CRCP: variants seen among roughly 807,000 people sequenced by gnomAD.
CRCP encodes the protein DNA-directed RNA polymerase III subunit RPC9.
In CRCP, 18 loss-of-function variants were observed where a neutral mutation model predicts 18.5. That is an observed-to-expected ratio of 0.97 (90% CI 0.67 to 1.44). The LOEUF is 1.44. Among genes scored for constraint, CRCP ranks in the 40% most tolerant of loss-of-function variants. CRCP has a pLI of 0.00. For missense variants in CRCP, 130 were observed against 176.4 expected (o/e 0.74, Z 1.49); for synonymous variants, 53 against 62.9 (o/e 0.84, Z 0.75).
At chr7:66,126,709 T>C (rs921027702) in intron 1 of CRCP, 1 of 402,836 alleles carries the variant, frequency 2.5e-6, no homozygotes, top group African/African-American at 2.0e-5. Context: ...ATCATAACAG[T>C]TTGATGAGGT....
intron 1 of CRCP, among the ~76,000 whole-genome samples, chr7:66,117,735 T>C (rs1288601420): frequency 6.6e-6 from 1 of 152,140 alleles, no homozygotes; most frequent in Non-Finnish European, 1.5e-5. Context: ...TTCATTGACT[T>C]TCCATTGTAC....
intron 4 of CRCP, among the ~76,000 whole-genome samples, chr7:66,138,266 C>A (rs1342480636): frequency 1.3e-5 from 2 of 152,210 alleles, no homozygotes; most frequent in Non-Finnish European, 2.9e-5. Context: ...AGGCTGGATG[C>A]AGTGGCTCAT....
chr7:66,114,849 C>T lies in CRCP; in HGVS notation c.-114C>T, dbSNP rs1349595978. The T allele has an allele frequency of 6.3e-7, 1 of 1,599,410 alleles. No individual in the cohort carries two copies. The highest frequency in any genetic ancestry group is 2.3e-5 in the East Asian group (1 of 44,440). ...CCGGCATGCAGCGCGGCGATCCCGG[C>T]GAGCACCTTGGCGCGCGGAGCTGGC... On this transcript the variant is annotated 5_prime_UTR_variant, in exon 1 of 6. Transcript: ENST00000395326.
rs538195508 is a variant in CRCP, at chr7:66,142,715, T to G, written c.240-2728T>G. Among the ~76,000 whole-genome samples the G allele has an allele frequency of 2.0e-5, 3 of 152,296 alleles. No homozygotes were observed. The East Asian group carries it at 5.8e-4, about 29-fold the overall frequency. On this transcript the variant is annotated intron_variant, in intron 4 of 5. Coordinates refer to ENST00000395326, the MANE Select transcript of CRCP (RefSeq NM_014478.5). ...TCTCACTTTGTTGCCCAGGCTGTTT[T>G]TGAACTCCCAGCCTCAAGTGATCCT...
intron 1 of CRCP, among the ~76,000 whole-genome samples, chr7:66,122,269 G>A (rs1787465787): frequency 6.6e-6 from 1 of 151,878 alleles, no homozygotes; most frequent in Non-Finnish European, 1.5e-5. Flanking sequence ...CAGCTACTTG[G>A]GAGGCTGAGG....
At chr7:66,122,084 G>A (rs1787458389) in intron 1 of CRCP, among the ~76,000 whole-genome samples, 1 of 152,088 alleles carries the variant, frequency 6.6e-6, no homozygotes, top group Non-Finnish European at 1.5e-5. Context: ...GCAATTAATA[G>A]GCACTGTTTG....
rs150051989 is a variant in CRCP, at chr7:66,149,429, G to C, written c.298-2779G>C. Among the ~76,000 whole-genome samples, 17 of 152,278 alleles carry C rather than the reference G, an allele frequency of 1.1e-4. No homozygotes were observed. The East Asian group carries it at 2.7e-3, about 24-fold the overall frequency. ...AGCTACTTGGAAGGCTGAGGCAGGA[G>C]GATTGCTTGAGCCCAGGAGTTTGAG... On this transcript the variant is annotated intron_variant, in intron 5 of 5. Coordinates refer to ENST00000395326, the MANE Select transcript of CRCP (RefSeq NM_014478.5).
chr7:66,151,896 A>AT (rs78469253), intron 5 of CRCP, among the ~76,000 whole-genome samples: 5,503 of 149,996 alleles, frequency 0.037, 159 homozygotes, highest in East Asian at 0.084. Context: ...TGCTTGGTTG[A>AT]TTTTTTTTGT....
intron 1 of CRCP, among the ~76,000 whole-genome samples, chr7:66,124,508 C>CTCCCTTCCTTCCTTCCTCCCTCCT (rs1468413864): frequency 2.7e-5 from 4 of 149,374 alleles, no homozygotes; most frequent in Non-Finnish European, 4.4e-5. Context: ...CCCTCCCTCC[C>CTCCCTTCCTTCCTTCCTCCCTCCT]TCCCTTCCTT....
At chr7:66,121,605 A>T (rs768746400) in intron 1 of CRCP, among the ~76,000 whole-genome samples, 24 of 152,120 alleles carry the variant, frequency 1.6e-4, no homozygotes, top group Non-Finnish European at 2.5e-4. Context: ...GACTACAGGC[A>T]TGCGCCACCA....
At chr7:66,140,892 G>A (rs1340626163) in intron 4 of CRCP, among the ~76,000 whole-genome samples, 1 of 152,130 alleles carries the variant, frequency 6.6e-6, no homozygotes, top group Non-Finnish European at 1.5e-5. Context: ...CAAATACATA[G>A]GCATTGTCTT....
At chr7:66,146,857 A>G (rs1446249629) in intron 5 of CRCP, among the ~76,000 whole-genome samples, 1 of 152,230 alleles carries the variant, frequency 6.6e-6, no homozygotes, top group Non-Finnish European at 1.5e-5. Context: ...AACAAACAGA[A>G]CAGCAAGAAA....
chr7:66,154,017 G>C lies in CRCP; in HGVS notation c.*1660G>C, dbSNP rs919665888. The stretch of plus-strand genomic sequence containing the variant: ...CAGAGGTTGCAGTGAGCCAGATCGT[G>C]CATTGCACTCCAGCCTGGCCGACAG... On this transcript the variant is annotated 3_prime_UTR_variant, in exon 6 of 6. Transcript: ENST00000395326. 6.6e-6 allele frequency: 1 copy of C among 151,860 alleles called. No individual in the cohort carries two copies. The highest frequency in any genetic ancestry group is 1.5e-5 in the Non-Finnish European group (1 of 67,994). 9.4% of individuals were successfully genotyped at this position (151,860 alleles called of 1,614,324 possible). A position where few individuals can be genotyped will look rare whatever the true frequency, so the allele number is the denominator to read the frequency against.
chr7:66,121,209 C>T (rs779105515), intron 1 of CRCP, among the ~76,000 whole-genome samples: 5 of 151,496 alleles, frequency 3.3e-5, no homozygotes, highest in Non-Finnish European at 5.9e-5. Flanking sequence ...TGGGTAGCTG[C>T]CTGGCTAATT....
intron 3 of CRCP, among the ~76,000 whole-genome samples, chr7:66,133,451 T>C (rs969947236): frequency 6.8e-6 from 1 of 147,846 alleles, no homozygotes; most frequent in African/African-American, 2.5e-5. Context: ...GAGCTTGCAG[T>C]GAGCCGAGAT....
chr7:66,118,630 T>C (rs1787343480), intron 1 of CRCP, among the ~76,000 whole-genome samples: 1 of 152,240 alleles, frequency 6.6e-6, no homozygotes, highest in African/African-American at 2.4e-5. Context: ...AAGTCCCTGA[T>C]ATAAAACGGT....
rs1416147088 is a variant in CRCP, at chr7:66,124,068, A to T, written c.9-3636A>T. Among the ~76,000 whole-genome samples the T allele has an allele frequency of 5.0e-5, 7 of 138,840 alleles. No homozygotes were observed. The East Asian group carries it at 1.5e-3, about 29-fold the overall frequency. The allele number at this position is 138,840 out of a possible 152,430, so 91.1% of individuals were successfully genotyped here. ...TCAAAAAAAAAAAAAAAAAAAAAAAAAAAAAAAAAAAAGCCATGCCCAGTG... is the reference window on the plus strand; with the variant it reads ...TCAAAAAAAAAAAAAAAAAAAAAAATAAAAAAAAAAAAGCCATGCCCAGTG... On this transcript the variant is annotated intron_variant, in intron 1 of 5. Coordinates refer to ENST00000395326, the MANE Select transcript of CRCP (RefSeq NM_014478.5).
chr7:66,121,913 A>C (rs1787454107), intron 1 of CRCP, among the ~76,000 whole-genome samples: 1 of 152,222 alleles, frequency 6.6e-6, no homozygotes, highest in African/African-American at 2.4e-5. Flanking sequence ...GCTAGCTCCC[A>C]AGAGAATGCT....
intron 1 of CRCP, among the ~76,000 whole-genome samples, chr7:66,125,706 CAA>C: frequency 6.7e-6 from 1 of 149,180 alleles, no homozygotes; most frequent in Non-Finnish European, 1.5e-5. Context: ...TGGCCAAGGA[CAA>C]ATTTCCCACG....
Sources: allele counts gnomAD v4.1 joint callset (sites outside exome capture counted in the v4.1 genomes callset), GRCh38; gene constraint gnomAD v4.1.1; transcripts MANE v1.5; gene names NCBI Gene and HGNC (gene_info 2026-07-23, HGNC 2026-07-21).